The following PPP1R16B variants were observed in gnomAD, a reference collection of about 807,000 sequenced individuals.
PPP1R16B encodes protein phosphatase 1 regulatory subunit 16B, also known as protein phosphatase 1 regulatory inhibitor subunit 16B.
In PPP1R16B, 14 loss-of-function variants were observed where a neutral mutation model predicts 61.7. The ratio of observed to expected loss-of-function variants is 0.23; its 90% CI spans 0.15 to 0.35. PPP1R16B has a LOEUF of 0.35. Among genes scored for constraint, PPP1R16B ranks in the 10% least tolerant of loss-of-function variants. The pLI is 1.00. For missense variants in PPP1R16B, 547 were observed against 752.5 expected, an observed-to-expected ratio of 0.73 and a Z score of 3.19; for synonymous variants, 266 against 305.3, an observed-to-expected ratio of 0.87 and a Z score of 1.34.
chr20:38,823,453 C>T (rs1269159241), intron 1 of PPP1R16B, among the ~76,000 whole-genome samples: 1 of 152,066 alleles, frequency 6.6e-6, no homozygotes, highest in African/African-American at 2.4e-5. Context: ...CCAGCCTGGC[C>T]AACATGGTGA....
At chr20:38,823,199 C>T (rs923765270) in intron 1 of PPP1R16B, among the ~76,000 whole-genome samples, 1 of 152,150 alleles carries the variant, frequency 6.6e-6, no homozygotes, top group Non-Finnish European at 1.5e-5. Flanking sequence ...TCAAAACCTG[C>T]CTATGGGATG....
Position 38,895,571 on chromosome 20 carries a change from A to C in PPP1R16B, c.328A>C (p.Ile110Leu). 1 of 1,613,856 alleles carries C rather than the reference A, an allele frequency of 6.2e-7. No homozygotes were observed. The highest frequency in any genetic ancestry group is 8.5e-7 in the Non-Finnish European group (1 of 1,179,796). Reference protein sequence around the residue: ...DGLTALHQCCIDNFEEIVKLL... With the variant: ...DGLTALHQCCLDNFEEIVKLL... Reference sequence around the variant, plus strand: ...GCCTGTGTGTCTCTCCCAGTGCTGCATCGACAACTTTGAGGAAATTGTGAA... The same window carrying C: ...GCCTGTGTGTCTCTCCCAGTGCTGCCTCGACAACTTTGAGGAAATTGTGAA... Residue 110 changes from isoleucine to leucine, a missense_variant, in exon 4 of 11, where the codon ATC becomes CTC. By Grantham distance (5) the Ile-to-Leu change is conservative. Coordinates refer to ENST00000299824, the MANE Select transcript of PPP1R16B (RefSeq NM_015568.4).
intron 2 of PPP1R16B, among the ~76,000 whole-genome samples, chr20:38,887,029 T>C (rs906492893): frequency 1.3e-5 from 2 of 151,986 alleles, no homozygotes; most frequent in Admixed American, 1.3e-4. Context: ...AGCTGAGACC[T>C]AAAGGACGAG....
In PPP1R16B at chr20:38,918,887, C is replaced by T; in HGVS notation, c.*221C>T. 2.0e-6 allele frequency: 1 copy of T among 490,770 alleles called. No individual in the cohort carries two copies. Among genetic ancestry groups the T allele is most frequent in the Non-Finnish European group, 3.4e-6 (1 of 292,716 alleles). 30.4% of individuals were successfully genotyped at this position (490,770 alleles called of 1,614,324 possible). On this transcript the variant is annotated 3_prime_UTR_variant, in exon 11 of 11. Transcript: ENST00000299824. This position sits in a 1 kb window ranked among gnomAD's most constrained non-coding sequence, Gnocchi z 5.3. ...GCATCGTCTGCCATCTGACACAAGG[C>T]CTGTCGTGGCCTCCTGGTTCACTCT...
At chr20:38,816,061 G>T (rs1431504389) in intron 1 of PPP1R16B, among the ~76,000 whole-genome samples, 1 of 151,068 alleles carries the variant, frequency 6.6e-6, no homozygotes, top group Non-Finnish European at 1.5e-5. Context: ...ATTCTCAAAA[G>T]AAAACAACTT....
At chr20:38,872,582 C>T (rs1029436395) in intron 2 of PPP1R16B, among the ~76,000 whole-genome samples, 3 of 152,138 alleles carry the variant, frequency 2.0e-5, no homozygotes, top group African/African-American at 7.2e-5. Flanking sequence ...TCCAGCAGGG[C>T]TGGGGTAGGG....
At chr20:38,823,726 G>C (rs1377327445) in intron 1 of PPP1R16B, among the ~76,000 whole-genome samples, 1 of 152,142 alleles carries the variant, frequency 6.6e-6, no homozygotes, top group East Asian at 1.9e-4. Flanking sequence ...GCCTATAGGG[G>C]TTTGGAAAGC....
chr20:38,895,873 T>TCCTTCCTTCTTTCTCTCCTCCCTTCCTC (rs2085334619), intron 4 of PPP1R16B, among the ~76,000 whole-genome samples, 163 bp downstream of exon 4: 2 of 104,614 alleles, frequency 1.9e-5, no homozygotes, highest in African/African-American at 4.0e-5. Context: ...CCTCCCTCCC[T>TCCTTCCTTCTTTCTCTCCTCCCTTCCTC]CCTTCCTTCT....
chr20:38,850,395 T>C (rs2084960594), intron 2 of PPP1R16B, among the ~76,000 whole-genome samples: 2 of 152,142 alleles, frequency 1.3e-5, no homozygotes, highest in Non-Finnish European at 2.9e-5. Context: ...GGAGGGAGAA[T>C]GGATGCTTGT....
chr20:38,835,496 A>G (rs75602421), intron 1 of PPP1R16B, among the ~76,000 whole-genome samples: 3,285 of 152,328 alleles, frequency 0.022, 45 homozygotes, highest in South Asian at 0.039. Context: ...GCAGTGATGG[A>G]TATATTCTTT....
At chr20:38,887,798 G>A (rs925464886) in intron 2 of PPP1R16B, among the ~76,000 whole-genome samples, 1 of 152,226 alleles carries the variant, frequency 6.6e-6, no homozygotes, top group African/African-American at 2.4e-5. Flanking sequence ...CAGGTCTACT[G>A]GAGATGCCAC....
chr20:38,895,870 C>T (rs13037864), intron 4 of PPP1R16B, among the ~76,000 whole-genome samples, 160 bp downstream of exon 4: 4,751 of 54,636 alleles, frequency 0.087, 167 homozygotes, highest in East Asian at 0.15. Context: ...TTCCCTCCCT[C>T]CCTCCTTCCT....
At chr20:38,825,436 G>A (rs566577640) in intron 1 of PPP1R16B, among the ~76,000 whole-genome samples, 1 of 152,134 alleles carries the variant, frequency 6.6e-6, no homozygotes, top group Non-Finnish European at 1.5e-5. Flanking sequence ...GGAGATAAGG[G>A]GACATTTTGG....
At chr20:38,886,128 G>A (rs1271326690) in intron 2 of PPP1R16B, among the ~76,000 whole-genome samples, 1 of 152,166 alleles carries the variant, frequency 6.6e-6, no homozygotes, top group Non-Finnish European at 1.5e-5. Context: ...TAGAGGCAGG[G>A]AGCCCGGTTG....
rs1348078433 is a variant in PPP1R16B at position 38,907,747 on chromosome 20, C to A, written c.899-59C>A. 4 of 1,592,086 alleles carry A rather than the reference C, an allele frequency of 2.5e-6. No homozygotes were observed. Among genetic ancestry groups the A allele is most frequent in the African/African-American group, 2.7e-5 (2 of 74,514 alleles). ...GTGGCAGCTCCTCTGGTCTGGAGCA[C>A]CCTCTTGCGCCACAGGTCCTGGCCC... On this transcript the variant is annotated intron_variant, in intron 8 of 10. Transcript: ENST00000299824. This position sits in a 1 kb window ranked among gnomAD's most constrained non-coding sequence, Gnocchi z 4.5.
At position 38,919,023 on chromosome 20, in the gene PPP1R16B, T is replaced by G; in HGVS notation, c.*357T>G. 3 of 188,084 alleles carry G rather than the reference T, an allele frequency of 1.6e-5. No homozygotes were observed. The highest frequency in any genetic ancestry group is 2.2e-5 in the Non-Finnish European group (2 of 91,442). The allele number at this position is 188,084 out of a possible 1,614,324, so 11.7% of individuals were successfully genotyped here. A position where few individuals can be genotyped will look rare whatever the true frequency, so the allele number is the denominator to read the frequency against. ...ATTAACACACACACACACACACATA[T>G]ACACACACACACAAGCTCGATCAGT... On this transcript the variant is annotated 3_prime_UTR_variant, in exon 11 of 11. Coordinates refer to ENST00000299824, the MANE Select transcript of PPP1R16B (RefSeq NM_015568.4).
chr20:38,905,960 C>G lies in PPP1R16B; in HGVS notation c.697-9C>G. On this transcript the variant is annotated splice_polypyrimidine_tract_variant and intron_variant, in intron 6 of 10. Transcript: ENST00000299824. ...CCTGAGGAATGCTCACTTCTTTCCT[C>G]TCCTCCAGCTGCACATAGCTGGAGC... is the stretch of plus-strand genomic sequence containing the variant. 1 of 1,611,512 alleles carries G rather than the reference C, an allele frequency of 6.2e-7. No individual in the cohort carries two copies.
intron 3 of PPP1R16B, 96 bp downstream of exon 3, chr20:38,889,761 G>A (rs2085278555): frequency 7.7e-7 from 1 of 1,294,298 alleles, no homozygotes; most frequent in Admixed American, 1.7e-5. Flanking sequence ...CCCTCAGGGA[G>A]GAGGGAATGA....
chr20:38,908,282 C>T (rs2085462721), intron 10 of PPP1R16B, 89 bp downstream of exon 10: 2 of 1,498,764 alleles, frequency 1.3e-6, no homozygotes, highest in Non-Finnish European at 1.8e-6. Context: ...CAACTGAGAG[C>T]CTTCAGAGGG....
Sources: allele counts gnomAD v4.1 joint callset (sites outside exome capture counted in the v4.1 genomes callset), GRCh38; gene constraint gnomAD v4.1.1; non-coding constraint Gnocchi (gnomAD v3.1); transcripts MANE v1.5; gene names NCBI Gene and HGNC (gene_info 2026-07-23, HGNC 2026-07-21).